PEPD: variants seen among roughly 807,000 people sequenced by gnomAD.
PEPD encodes the protein xaa-Pro dipeptidase.
A neutral mutation model predicts 60.7 loss-of-function variants in PEPD; 53 were observed. That is an observed-to-expected ratio of 0.87 (90% CI 0.70 to 1.10). The LOEUF is 1.10. Among genes scored for constraint, PEPD ranks in the 50% least tolerant of loss-of-function variants. The pLI, the probability that PEPD is intolerant of heterozygous loss-of-function variation, is 0.00. For synonymous variants in PEPD, 267 were observed against 284.1 expected, an observed-to-expected ratio of 0.94 and a Z score of 0.60; for missense variants, 711 against 711.9, an observed-to-expected ratio of 1.00 and a Z score of 0.01.
At chr19:33,392,414 C>G (rs1455266269) in intron 12 of PEPD, among the ~76,000 whole-genome samples, 1 of 152,250 alleles carries the variant, frequency 6.6e-6, no homozygotes, top group African/African-American at 2.4e-5. Context: ...GCTTCCACTG[C>G]TGGACTTGGC....
chr19:33,470,182 A>C, intron 7 of PEPD, among the ~76,000 whole-genome samples: 1 of 149,192 alleles, frequency 6.7e-6, no homozygotes, highest in Non-Finnish European at 1.5e-5. Context: ...ATTTCTCTCT[A>C]TCCAGCCCCA....
chr19:33,469,420 G>A (rs575957255), intron 7 of PEPD, among the ~76,000 whole-genome samples: 25 of 152,226 alleles, frequency 1.6e-4, no homozygotes, highest in African/African-American at 5.3e-4. Context: ...CGCACCTTCC[G>A]AAGATATCTA....
chr19:33,508,979 C>T (rs1237269299), intron 3 of PEPD, among the ~76,000 whole-genome samples: 1 of 152,216 alleles, frequency 6.6e-6, no homozygotes, highest in Non-Finnish European at 1.5e-5. Flanking sequence ...GAGCCCCAAA[C>T]ATGACCAGAC....
chr19:33,451,590 T>C (rs1433736164), intron 9 of PEPD, among the ~76,000 whole-genome samples: 1 of 152,198 alleles, frequency 6.6e-6, no homozygotes, highest in South Asian at 2.1e-4. Context: ...AGATGCTGAT[T>C]ATCACTGTGA....
At chr19:33,433,427 T>C (rs1440180209) in intron 9 of PEPD, among the ~76,000 whole-genome samples, 1 of 152,234 alleles carries the variant, frequency 6.6e-6, no homozygotes, top group Non-Finnish European at 1.5e-5. Context: ...CCAGGGGACT[T>C]AACTAATTTA....
intron 5 of PEPD, among the ~76,000 whole-genome samples, chr19:33,490,981 T>C (rs1970487618): frequency 6.6e-6 from 1 of 151,974 alleles, no homozygotes; most frequent in Non-Finnish European, 1.5e-5. Context: ...GCATTTTAAA[T>C]CACCATTTCT....
intron 11 of PEPD, among the ~76,000 whole-genome samples, chr19:33,409,082 G>A (rs1380818071): frequency 1.3e-5 from 2 of 152,266 alleles, no homozygotes; most frequent in Non-Finnish European, 2.9e-5. Context: ...GGAGATGCAG[G>A]TGCCATGTGC....
intron 13 of PEPD, among the ~76,000 whole-genome samples, chr19:33,391,082 C>T (rs1220873417): frequency 6.6e-6 from 1 of 152,158 alleles, no homozygotes; most frequent in African/African-American, 2.4e-5. Flanking sequence ...CCTCTATGTC[C>T]AGTTCTGTGG....
At chr19:33,494,376 C>T (rs1185589270) in intron 4 of PEPD, among the ~76,000 whole-genome samples, 2 of 152,210 alleles carry the variant, frequency 1.3e-5, no homozygotes, top group Admixed American at 1.3e-4. Flanking sequence ...TTAACATAGA[C>T]ATTTTGATAA....
intron 9 of PEPD, among the ~76,000 whole-genome samples, chr19:33,416,704 T>C (rs1009190297): frequency 8.5e-5 from 13 of 152,242 alleles, no homozygotes; most frequent in African/African-American, 3.1e-4. Context: ...CCCGTTGTTT[T>C]TCCTTATGTG....
intron 3 of PEPD, among the ~76,000 whole-genome samples, chr19:33,501,333 G>A (rs1970709615): frequency 6.6e-6 from 1 of 152,184 alleles, no homozygotes; most frequent in Non-Finnish European, 1.5e-5. Context: ...CAGCCAGCCA[G>A]TGCACCCGTC....
At chr19:33,424,532 CA>C (rs1312173163) in intron 9 of PEPD, among the ~76,000 whole-genome samples, 1 of 152,174 alleles carries the variant, frequency 6.6e-6, no homozygotes, top group Non-Finnish European at 1.5e-5. Context: ...GGCCCTAGAA[CA>C]AAAACTCCCC....
chr19:33,489,511 C>T (rs1220651504), intron 6 of PEPD, among the ~76,000 whole-genome samples: 2 of 151,284 alleles, frequency 1.3e-5, no homozygotes, highest in Non-Finnish European at 3.0e-5. Flanking sequence ...TGCCTGTAAT[C>T]CCAGCTACTC....
intron 9 of PEPD, among the ~76,000 whole-genome samples, chr19:33,419,500 G>A (rs146063439): frequency 6.6e-6 from 1 of 152,332 alleles, no homozygotes; most frequent in African/African-American, 2.4e-5. Context: ...ATGACGGGCT[G>A]GGGTCAGGAA....
At chr19:33,428,086 C>A (rs2145391606) in intron 9 of PEPD, among the ~76,000 whole-genome samples, 1 of 152,254 alleles carries the variant, frequency 6.6e-6, no homozygotes, top group East Asian at 1.9e-4. Flanking sequence ...AGGGTCTGGG[C>A]CCCCCTCCTG....
At chr19:33,507,053 G>GC (rs1457673890) in intron 3 of PEPD, among the ~76,000 whole-genome samples, 1 of 151,046 alleles carries the variant, frequency 6.6e-6, no homozygotes, top group Non-Finnish European at 1.5e-5. Context: ...TGCACACACA[G>GC]CCCCCCACAC....
At chr19:33,418,558 G>A (rs1191614514) in intron 9 of PEPD, among the ~76,000 whole-genome samples, 1 of 152,134 alleles carries the variant, frequency 6.6e-6, no homozygotes, top group Non-Finnish European at 1.5e-5. Context: ...GTGACCAGTG[G>A]GTCATCAGAA....
intron 5 of PEPD, among the ~76,000 whole-genome samples, chr19:33,490,798 G>T (rs1185814353): frequency 6.6e-6 from 1 of 152,082 alleles, no homozygotes; most frequent in East Asian, 1.9e-4. Context: ...CGAGTAGCTG[G>T]GATTACAGGT....
At chr19:33,434,274 C>A (rs573112964) in intron 9 of PEPD, among the ~76,000 whole-genome samples, 1 of 152,292 alleles carries the variant, frequency 6.6e-6, no homozygotes, top group South Asian at 2.1e-4. Flanking sequence ...CTCCCCAGCT[C>A]TAGACTCCTC....
Sources: gnomAD v4.1 joint callset for allele counts (sites outside exome capture counted in the v4.1 genomes callset) on GRCh38, gnomAD v4.1.1 for gene constraint, MANE v1.5 for transcripts, NCBI Gene and HGNC (gene_info 2026-07-23, HGNC 2026-07-21) for gene names.